Variants in SYT16 observed in about 807,000 individuals in gnomAD.
SYT16 encodes the protein synaptotagmin-16.
Under a neutral mutation model 61.4 loss-of-function variants are expected in SYT16, and 42 were observed. The ratio of observed to expected loss-of-function variants is 0.68; its 90% confidence interval spans 0.53 to 0.89. The LOEUF (loss-of-function observed/expected upper bound fraction) is 0.89, where lower values mean the gene tolerates loss of function less well. Among genes scored for constraint, SYT16 ranks in the 40% least tolerant of loss-of-function variants. The pLI, the probability that SYT16 is intolerant of heterozygous loss-of-function variation, is 0.00. For missense variants in SYT16, 804 were observed against 807.3 expected (o/e 1.00, Z 0.05); for synonymous variants, 314 against 302.3 (o/e 1.04, Z -0.40).
intron 1 of SYT16, among the ~76,000 whole-genome samples, chr14:61,887,970 C>G (rs2047972957): frequency 6.6e-6 from 1 of 152,178 alleles, no homozygotes; most frequent in South Asian, 2.1e-4. Flanking sequence ...TGCAAGAGGC[C>G]TAGCTTTTAC....
chr14:62,092,568 C>A (rs1380215987), intron 7 of SYT16, among the ~76,000 whole-genome samples: 1 of 151,724 alleles, frequency 6.6e-6, no homozygotes, highest in Non-Finnish European at 1.5e-5. Context: ...AAAATTCTGA[C>A]ATATGCTGCA....
chr14:61,851,413 T>G (rs2046617025), intron 1 of SYT16, among the ~76,000 whole-genome samples: 1 of 152,240 alleles, frequency 6.6e-6, no homozygotes, highest in Admixed American at 6.5e-5. Flanking sequence ...TATATTCCTT[T>G]GGGTGTATAC....
intron 1 of SYT16, among the ~76,000 whole-genome samples, chr14:61,879,400 A>G (rs986919997): frequency 1.6e-4 from 25 of 152,318 alleles, no homozygotes; most frequent in African/African-American, 5.5e-4. Context: ...CTCTTGGAAA[A>G]TAGTAAGATC....
At chr14:62,004,169 G>T (rs1275095140) in intron 3 of SYT16, among the ~76,000 whole-genome samples, 1 of 152,138 alleles carries the variant, frequency 6.6e-6, no homozygotes, top group African/African-American at 2.4e-5. Flanking sequence ...GGCTGGGGAG[G>T]CCTGAAGAAA....
intron 2 of SYT16, among the ~76,000 whole-genome samples, chr14:61,989,900 G>A (rs1467760426): frequency 2.6e-5 from 4 of 152,092 alleles, no homozygotes; most frequent in Admixed American, 2.6e-4. Context: ...GTGTAAAAAG[G>A]CCTGTTGGAT....
At chr14:61,896,851 C>A (rs954256992) in intron 1 of SYT16, among the ~76,000 whole-genome samples, 2 of 152,114 alleles carry the variant, frequency 1.3e-5, no homozygotes, top group African/African-American at 4.8e-5. Context: ...CCTCCCATAT[C>A]AAAAACTCAA....
intron 7 of SYT16, among the ~76,000 whole-genome samples, chr14:62,098,104 T>C (rs1040298058): frequency 6.6e-6 from 1 of 152,226 alleles, no homozygotes; most frequent in South Asian, 2.1e-4. Flanking sequence ...CAAACTGAAA[T>C]AGAAAAAGAT....
At chr14:62,047,671 G>T (rs1314231831) in intron 3 of SYT16, among the ~76,000 whole-genome samples, 3 of 147,128 alleles carry the variant, frequency 2.0e-5, no homozygotes, top group African/African-American at 7.9e-5. Flanking sequence ...TTTATTGAGA[G>T]TTTTTACCAT....
intron 4 of SYT16, among the ~76,000 whole-genome samples, chr14:62,074,470 G>A (rs2140954035): frequency 1.3e-5 from 2 of 152,342 alleles, no homozygotes; most frequent in East Asian, 3.9e-4. Flanking sequence ...GTTCAGGCCA[G>A]GCAGGTAAGC....
chr14:62,070,646 A>G (rs1275119519), intron 4 of SYT16, among the ~76,000 whole-genome samples: 3 of 152,206 alleles, frequency 2.0e-5, no homozygotes, highest in African/African-American at 7.2e-5. Flanking sequence ...GCAAAGGTCA[A>G]GGTATCTATC....
chr14:61,925,838 T>C (rs2049514802), intron 1 of SYT16, among the ~76,000 whole-genome samples: 1 of 152,174 alleles, frequency 6.6e-6, no homozygotes, highest in African/African-American at 2.4e-5. Flanking sequence ...TACACACAAC[T>C]GGTGGTATTT....
rs902097300 is a variant in SYT16, at chr14:62,109,907, C to T, written c.*9200C>T. 1 of 152,152 alleles carries T rather than the reference C, an allele frequency of 6.6e-6. No individual in the cohort carries two copies. Among genetic ancestry groups the T allele is most frequent in the African/African-American group, 2.4e-5 (1 of 41,452 alleles). 9.4% of individuals were successfully genotyped at this position (152,152 alleles called of 1,614,324 possible). ...AAATCAATTAAAAATGGTATGTAAG[C>T]ATCTGGCTCACACAGCAGCTCTGAA... is the stretch of plus-strand genomic sequence containing the variant. On this transcript the variant is annotated 3_prime_UTR_variant, in exon 8 of 8. Transcript: ENST00000683842.
rs1399394895 is a variant in SYT16, at chr14:62,084,322, C to T, written c.1561C>T (p.Arg521Ter). 3.1e-6 allele frequency: 5 copies of T among 1,613,194 alleles called. No individual in the cohort carries two copies. The highest frequency in any genetic ancestry group is 2.2e-5 in the East Asian group (1 of 44,846). The change falls in exon 7 of 8, where the codon CGA (arginine) becomes TGA (stop). Residue 521 changes from arginine (R) to a stop codon, truncating the protein, a stop_gained. Transcript: ENST00000683842. LOFTEE classifies it high-confidence loss of function. ...VGLSYNATTGRLSVEMIKGSH... is the reference protein window; with the variant it reads ...VGLSYNATTG The stretch of plus-strand genomic sequence containing the variant: ...GCTCTCGTACAATGCCACAACGGGG[C>T]GATTATCTGTGGAAATGATCAAAGG...
chr14:62,052,733 A>C (rs2055365505), intron 3 of SYT16, among the ~76,000 whole-genome samples: 1 of 152,218 alleles, frequency 6.6e-6, no homozygotes, highest in Admixed American at 6.5e-5. Context: ...TAGTGCCTTC[A>C]TAAGAAAAGG....
intron 1 of SYT16, among the ~76,000 whole-genome samples, chr14:61,876,010 G>A (rs1370284743): frequency 6.6e-6 from 1 of 152,204 alleles, no homozygotes; most frequent in Non-Finnish European, 1.5e-5. Flanking sequence ...TTCAGATACA[G>A]GTGGATAAAA....
At chr14:61,973,366 A>G (rs1165734459) in intron 2 of SYT16, among the ~76,000 whole-genome samples, 2 of 152,164 alleles carry the variant, frequency 1.3e-5, no homozygotes, top group African/African-American at 2.4e-5. Context: ...ATTGGTAACT[A>G]TTGTTTATTT....
At chr14:62,023,062 C>G (rs2053972778) in intron 3 of SYT16, among the ~76,000 whole-genome samples, 1 of 151,996 alleles carries the variant, frequency 6.6e-6, no homozygotes, top group Non-Finnish European at 1.5e-5. Flanking sequence ...GGTTTTATGT[C>G]ATTTGGTACT....
At chr14:61,923,694 T>C (rs1049040352) in intron 1 of SYT16, among the ~76,000 whole-genome samples, 1 of 152,202 alleles carries the variant, frequency 6.6e-6, no homozygotes, top group African/African-American at 2.4e-5. Context: ...CAGTGAAATG[T>C]CTGTGCCAGA....
chr14:61,932,037 T>C (rs1409101207), intron 1 of SYT16, among the ~76,000 whole-genome samples: 1 of 152,206 alleles, frequency 6.6e-6, no homozygotes, highest in Non-Finnish European at 1.5e-5. Flanking sequence ...ACTAGAGAGC[T>C]TGACATCAAA....
Sources: allele counts gnomAD v4.1 joint callset (sites outside exome capture counted in the v4.1 genomes callset), GRCh38; gene constraint gnomAD v4.1.1; transcripts MANE v1.5; gene names NCBI Gene and HGNC (gene_info 2026-07-23, HGNC 2026-07-21).